The following LRRC4C variants were observed in gnomAD, a reference collection of about 807,000 sequenced individuals.
The protein encoded by LRRC4C is leucine-rich repeat-containing protein 4C.
LRRC4C carries 5 observed loss-of-function variants against 33.6 expected under a neutral mutation model. That is an observed-to-expected ratio of 0.15 (90% CI 0.08 to 0.31). LRRC4C has a LOEUF of 0.31. Among genes scored for constraint, LRRC4C ranks in the 10% least tolerant of loss-of-function variants. LRRC4C has a pLI of 1.00. For synonymous variants in LRRC4C, 329 were observed against 302.0 expected, an observed-to-expected ratio of 1.09 and a Z score of -0.93; for missense variants, 560 against 796.7, an observed-to-expected ratio of 0.70 and a Z score of 3.58.
intron 1 of LRRC4C, among the ~76,000 whole-genome samples, chr11:41,290,504 C>T (rs1282613453): frequency 6.6e-6 from 1 of 152,128 alleles, no homozygotes; most frequent in African/African-American, 2.4e-5. Flanking sequence ...CATTGACAAT[C>T]GTTGTGCTTG....
In LRRC4C at chr11:41,388,583, C is replaced by T. The variant is rs558279396; in HGVS notation, c.-496+70848G>A. Among the ~76,000 whole-genome samples, 77 of 151,850 alleles carry T rather than the reference C, an allele frequency of 5.1e-4. 1 individual carries two copies. The highest frequency in any genetic ancestry group is 5.2e-4 in the Non-Finnish European group (35 of 67,830). ...ATGAGTTTGCTATGTTTGAACTGTGCCTTGAAGAATCAGTTGAATTAGCTG... is the reference window on the plus strand; with the variant it reads ...ATGAGTTTGCTATGTTTGAACTGTGTCTTGAAGAATCAGTTGAATTAGCTG... On this transcript the variant is annotated intron_variant, in intron 1 of 6. Transcript: ENST00000528697.
intron 1 of LRRC4C, among the ~76,000 whole-genome samples, chr11:41,249,969 A>G (rs1408397227): frequency 6.6e-6 from 1 of 151,506 alleles, no homozygotes; most frequent in Non-Finnish European, 1.5e-5. Context: ...TTCGAGACCA[A>G]CCTGGCCAAC....
intron 3 of LRRC4C, among the ~76,000 whole-genome samples, chr11:40,500,019 A>G (rs1275893576): frequency 6.6e-6 from 1 of 152,084 alleles, no homozygotes; most frequent in Admixed American, 6.6e-5. Flanking sequence ...AGAGATTACT[A>G]TAAAATTCTG....
chr11:40,730,036 A>T (rs1947479707), intron 2 of LRRC4C, among the ~76,000 whole-genome samples: 1 of 151,854 alleles, frequency 6.6e-6, no homozygotes, highest in Non-Finnish European at 1.5e-5. Context: ...ATTCTCACTC[A>T]TAGGTGGGAA....
chr11:40,353,066 G>C (rs973507397), intron 3 of LRRC4C, among the ~76,000 whole-genome samples: 4 of 152,066 alleles, frequency 2.6e-5, no homozygotes, highest in African/African-American at 9.7e-5. Context: ...TCTTGTTTGG[G>C]TTAAATCTTC....
chr11:41,146,461 C>A (rs1409274973), intron 1 of LRRC4C, among the ~76,000 whole-genome samples: 1 of 152,166 alleles, frequency 6.6e-6, no homozygotes, highest in Non-Finnish European at 1.5e-5. Context: ...GTGTCTGCTA[C>A]TATAGAGAAA....
intron 2 of LRRC4C, among the ~76,000 whole-genome samples, chr11:40,760,731 C>T (rs1949165451): frequency 6.7e-6 from 1 of 150,228 alleles, no homozygotes. Flanking sequence ...CTACCTCAGC[C>T]TCCTGTGTAG....
intron 2 of LRRC4C, among the ~76,000 whole-genome samples, chr11:40,834,741 T>C (rs1952584172): frequency 1.3e-5 from 2 of 152,166 alleles, no homozygotes; most frequent in South Asian, 4.1e-4. Flanking sequence ...CTAAACACAA[T>C]AGGAAGCTAC....
At chr11:41,145,814 A>C (rs1943705755) in intron 1 of LRRC4C, among the ~76,000 whole-genome samples, 1 of 152,138 alleles carries the variant, frequency 6.6e-6, no homozygotes. Context: ...CATTCAGAAA[A>C]TTTCAGTGAC....
intron 1 of LRRC4C, among the ~76,000 whole-genome samples, chr11:41,231,750 A>G (rs1947807994): frequency 6.6e-6 from 1 of 151,886 alleles, no homozygotes; most frequent in African/African-American, 2.4e-5. Flanking sequence ...TGTACCCTAG[A>G]ACTTAAAGTA....
chr11:41,050,240 T>C (rs1858101830), intron 1 of LRRC4C, among the ~76,000 whole-genome samples: 1 of 152,182 alleles, frequency 6.6e-6, no homozygotes, highest in South Asian at 2.1e-4. Context: ...TTTAGTGTAC[T>C]CATCTGTACA....
intron 2 of LRRC4C, among the ~76,000 whole-genome samples, chr11:40,731,423 C>G (rs1947579488): frequency 6.6e-6 from 1 of 152,142 alleles, no homozygotes; most frequent in Non-Finnish European, 1.5e-5. Context: ...TACCTTCTGC[C>G]ATAAGTAAAT....
intron 2 of LRRC4C, among the ~76,000 whole-genome samples, chr11:40,769,693 C>T (rs949903645): frequency 6.6e-6 from 1 of 152,124 alleles, no homozygotes; most frequent in Non-Finnish European, 1.5e-5. Context: ...ACCATGAACT[C>T]ATTTTTGACA....
intron 3 of LRRC4C, among the ~76,000 whole-genome samples, chr11:40,575,647 G>A (rs1410027276): frequency 6.6e-6 from 1 of 152,088 alleles, no homozygotes; most frequent in Non-Finnish European, 1.5e-5. Flanking sequence ...CTTTAGTGGG[G>A]TTCTACTTAT....
At chr11:41,379,592 A>G (rs142134665) in intron 1 of LRRC4C, among the ~76,000 whole-genome samples, 77 of 152,216 alleles carry the variant, frequency 5.1e-4, no homozygotes, top group African/African-American at 1.8e-3. Flanking sequence ...AGAGTGGTCA[A>G]AAGTCCTTCC....
At chr11:40,491,246 C>T (rs978089330) in intron 3 of LRRC4C, among the ~76,000 whole-genome samples, 1 of 152,144 alleles carries the variant, frequency 6.6e-6, no homozygotes, top group Admixed American at 6.6e-5. Flanking sequence ...GATTGCACCA[C>T]TACACTCCAG....
At chr11:41,071,927 G>C (rs929517888) in intron 1 of LRRC4C, among the ~76,000 whole-genome samples, 1 of 152,178 alleles carries the variant, frequency 6.6e-6, no homozygotes, top group African/African-American at 2.4e-5. Context: ...AGTGGAGGAA[G>C]TCACTGCAGA....
chr11:41,026,876 A>T (rs141781308), intron 1 of LRRC4C, among the ~76,000 whole-genome samples: 223 of 151,862 alleles, frequency 1.5e-3, no homozygotes, highest in African/African-American at 5.2e-3. Context: ...ACTATGGTAT[A>T]ATGTAAACAT....
At chr11:40,116,416 T>G (rs1855439332) in intron 6 of LRRC4C, 82 bp from the exon 7 acceptor site, 1 of 1,383,710 alleles carries the variant, frequency 7.2e-7, no homozygotes, top group Non-Finnish European at 9.7e-7. Context: ...GGTGATATAG[T>G]GTATCAGCTA....
Sources: allele counts gnomAD v4.1 joint callset (sites outside exome capture counted in the v4.1 genomes callset), GRCh38; gene constraint gnomAD v4.1.1; transcripts MANE v1.5; gene names NCBI Gene and HGNC (gene_info 2026-07-23, HGNC 2026-07-21).